The following SLC26A7 variants were observed in gnomAD, a reference collection of about 807,000 sequenced individuals.
SLC26A7 encodes the protein anion exchange transporter.
A neutral mutation model predicts 82.5 loss-of-function variants in SLC26A7; 59 were observed. That is an observed-to-expected ratio of 0.72 (90% confidence interval 0.58 to 0.89). The LOEUF is 0.89. Ranked by LOEUF, SLC26A7 falls within the 40% of genes least tolerant of loss-of-function variation. The probability of loss-of-function intolerance (pLI) is 0.00; values close to 1 mark genes in which losing one functional copy is unlikely to be tolerated. For synonymous variants in SLC26A7, 271 were observed against 274.3 expected (o/e 0.99, Z 0.12); for missense variants, 820 against 793.0 (o/e 1.03, Z -0.41).
chr8:91,329,776 A>G (rs1252142883), intron 5 of SLC26A7, among the ~76,000 whole-genome samples: 1 of 152,200 alleles, frequency 6.6e-6, no homozygotes, highest in Non-Finnish European at 1.5e-5. Context: ...TCCTGAGATC[A>G]TGAAAAATCA....
intron 4 of SLC26A7, among the ~76,000 whole-genome samples, chr8:91,306,481 G>T (rs981047281): frequency 2.0e-5 from 3 of 152,078 alleles, no homozygotes; most frequent in Non-Finnish European, 4.4e-5. Context: ...AAGATTCTGT[G>T]GAACAGGTGG....
At chr8:91,284,764 C>T (rs1811665563) in intron 2 of SLC26A7, among the ~76,000 whole-genome samples, 1 of 152,078 alleles carries the variant, frequency 6.6e-6, no homozygotes, top group East Asian at 1.9e-4. Flanking sequence ...TTCATTGGTG[C>T]TACTTTTATG....
chr8:91,217,943 T>C (rs1810084007), intron 1 of SLC26A7, among the ~76,000 whole-genome samples: 1 of 152,138 alleles, frequency 6.6e-6, no homozygotes, highest in African/African-American at 2.4e-5. Flanking sequence ...GAAGGGGATG[T>C]GACTTATGAC....
At chr8:91,376,202 G>T (rs571352799) in intron 15 of SLC26A7, among the ~76,000 whole-genome samples, 5 of 152,178 alleles carry the variant, frequency 3.3e-5, no homozygotes, top group Non-Finnish European at 7.4e-5. Context: ...TCCACATTTT[G>T]AATTCCTTAT....
chr8:91,336,760 A>G (rs907720858), intron 6 of SLC26A7, among the ~76,000 whole-genome samples: 3 of 152,094 alleles, frequency 2.0e-5, no homozygotes, highest in Admixed American at 6.6e-5. Flanking sequence ...GAGGTAAAAC[A>G]CTGAAAGGCT....
At chr8:91,348,485 A>G (rs1813626438) in intron 9 of SLC26A7, 2 of 412,800 alleles carry the variant, frequency 4.8e-6, no homozygotes. Flanking sequence ...TAACAAGAAT[A>G]AAATATAGAT....
intron 2 of SLC26A7, among the ~76,000 whole-genome samples, chr8:91,279,661 G>A (rs1425836919): frequency 3.9e-5 from 6 of 152,030 alleles, no homozygotes; most frequent in African/African-American, 9.7e-5. Context: ...CCGGGTTCAC[G>A]CCATTCTCCT....
At chr8:91,265,262 T>G (rs748859935) in intron 2 of SLC26A7, among the ~76,000 whole-genome samples, 1 of 152,078 alleles carries the variant, frequency 6.6e-6, no homozygotes, top group Non-Finnish European at 1.5e-5. Flanking sequence ...TGGTTTATAC[T>G]GCAGTTTCTT....
At chr8:91,239,106 T>C (rs971583755) in intron 2 of SLC26A7, among the ~76,000 whole-genome samples, 2 of 152,006 alleles carry the variant, frequency 1.3e-5, no homozygotes, top group Non-Finnish European at 2.9e-5. Context: ...TGTGGTGGCT[T>C]ACGCCTGTAA....
chr8:91,259,218 T>G (rs1049086930), intron 2 of SLC26A7, among the ~76,000 whole-genome samples: 2 of 152,092 alleles, frequency 1.3e-5, no homozygotes, highest in African/African-American at 4.8e-5. Flanking sequence ...ATCACACAGG[T>G]TCCATATTCC....
chr8:91,276,875 G>C (rs1811421235), intron 2 of SLC26A7, among the ~76,000 whole-genome samples: 1 of 152,118 alleles, frequency 6.6e-6, no homozygotes, highest in African/African-American at 2.4e-5. Flanking sequence ...CACTGTTGCT[G>C]TCACTTTCTC....
intron 14 of SLC26A7, among the ~76,000 whole-genome samples, chr8:91,368,171 G>T (rs770549919): frequency 6.6e-6 from 1 of 152,078 alleles, no homozygotes; most frequent in Non-Finnish European, 1.5e-5. Flanking sequence ...TGTATCAAGG[G>T]TACCTACAAT....
intron 14 of SLC26A7, among the ~76,000 whole-genome samples, chr8:91,367,016 T>C (rs1432870582): frequency 6.6e-6 from 1 of 152,056 alleles, no homozygotes; most frequent in Non-Finnish European, 1.5e-5. Flanking sequence ...CAAAGGATTT[T>C]TTTTTTTTTG....
chr8:91,334,529 G>T, intron 6 of SLC26A7, 82 bp downstream of exon 6: 1 of 1,282,318 alleles, frequency 7.8e-7, no homozygotes, highest in Non-Finnish European at 1.1e-6. Flanking sequence ...TTACTATATT[G>T]TCTGTAGTAA....
Position 91,268,108 on chromosome 8 carries a change from G to T in SLC26A7, c.193+18264G>T, listed in dbSNP as rs577943464. Among the ~76,000 whole-genome samples the T allele has an allele frequency of 2.6e-5, 4 of 151,722 alleles. No individual in the cohort carries two copies. In the East Asian group the frequency reaches 7.7e-4, roughly 29 times the overall value. ...TTTTATTTCATTTAGGTCAGAAAAG[G>T]TACTTGATATGATTTCATTTTTAAA... On this transcript the variant is annotated intron_variant, in intron 2 of 18. Coordinates refer to ENST00000276609, the MANE Select transcript of SLC26A7 (RefSeq NM_052832.4).
rs766078806 is a variant in SLC26A7, at chr8:91,388,897, C to A, written c.1676-441C>A. 2.6e-5 allele frequency among the ~76,000 whole-genome samples: 4 copies of A among 151,876 alleles called. No homozygotes were observed. The East Asian group carries it at 7.7e-4, about 29-fold the overall frequency. On this transcript the variant is annotated intron_variant, in intron 15 of 18. Coordinates refer to ENST00000276609, the MANE Select transcript of SLC26A7 (RefSeq NM_052832.4). ...TAGAGTGATTCCAAAATTGTATACGCTTCAGGCACCACAAAACGGGGCTCT... is the reference window on the plus strand; with the variant it reads ...TAGAGTGATTCCAAAATTGTATACGATTCAGGCACCACAAAACGGGGCTCT...
In SLC26A7 at chr8:91,397,538, G is replaced by C. The variant is rs1808603935; in HGVS notation, c.*2441G>C. Reference sequence around the variant, plus strand: ...ATAAGAGTGTTAAGGACCTAATAGAGTGACATATATAAATTAAGCATAAAA... The same window carrying C: ...ATAAGAGTGTTAAGGACCTAATAGACTGACATATATAAATTAAGCATAAAA... On this transcript the variant is annotated 3_prime_UTR_variant, in exon 19 of 19. Transcript: ENST00000276609. 6.6e-6 allele frequency: 1 copy of C among 152,466 alleles called. No individual in the cohort carries two copies. Among genetic ancestry groups the C allele is most frequent in the Admixed American group, 6.6e-5 (1 of 15,258 alleles). The allele number at this position is 152,466 out of a possible 1,614,324, so 9.4% of individuals were successfully genotyped here.
intron 9 of SLC26A7, among the ~76,000 whole-genome samples, chr8:91,347,787 G>T (rs1247631398): frequency 1.3e-5 from 2 of 152,150 alleles, no homozygotes; most frequent in African/African-American, 4.8e-5. Flanking sequence ...TTTTTACAGT[G>T]ACCCCCTTTA....
chr8:91,258,026 A>T lies in SLC26A7; in HGVS notation c.193+8182A>T, dbSNP rs540197287. On this transcript the variant is annotated intron_variant, in intron 2 of 18. Coordinates refer to ENST00000276609, the MANE Select transcript of SLC26A7 (RefSeq NM_052832.4). ...TTATAAAACCATAAGATCTCATGAGACTCACTCATTATCATGAGAACAGCA... is the reference window on the plus strand; with the variant it reads ...TTATAAAACCATAAGATCTCATGAGTCTCACTCATTATCATGAGAACAGCA... Among the ~76,000 whole-genome samples, 7 of 151,902 alleles carry T rather than the reference A, an allele frequency of 4.6e-5. No individual in the cohort carries two copies. The South Asian group carries it at 8.3e-4, about 18-fold the overall frequency.
Sources: allele counts gnomAD v4.1 joint callset (sites outside exome capture counted in the v4.1 genomes callset), GRCh38; gene constraint gnomAD v4.1.1; transcripts MANE v1.5; gene names NCBI Gene and HGNC (gene_info 2026-07-23, HGNC 2026-07-21).